The following AMBRA1 variants were observed in gnomAD, a reference collection of about 807,000 sequenced individuals.
The protein encoded by AMBRA1 is autophagy and beclin 1 regulator 1, also known as activating molecule in BECN1-regulated autophagy protein 1.
Under a neutral mutation model 125.4 loss-of-function variants are expected in AMBRA1, and 47 were observed. The observed-to-expected ratio is 0.37, with a 90% CI of 0.30 to 0.48. The LOEUF (loss-of-function observed/expected upper bound fraction) is 0.48, where lower values mean the gene tolerates loss of function less well. Ranked by LOEUF, AMBRA1 falls within the 20% of genes least tolerant of loss-of-function variation. The probability of loss-of-function intolerance (pLI) is 0.99; values close to 1 mark genes in which losing one functional copy is unlikely to be tolerated. For synonymous variants in AMBRA1, 626 were observed against 655.5 expected, an observed-to-expected ratio of 0.95 and a Z score of 0.69; for missense variants, 1,331 against 1,693.4, an observed-to-expected ratio of 0.79 and a Z score of 3.76.
In AMBRA1 at chr11:46,428,549, G is replaced by A. The variant is rs566232826; in HGVS notation, c.2976+4925C>T. On this transcript the variant is annotated intron_variant, in intron 14 of 17. Coordinates refer to ENST00000683756, the MANE Select transcript of AMBRA1 (RefSeq NM_001387011.1). ...TCCTAGTGCCTCTAGGATCTGCAGC[G>A]ATTAGGCAATGAGGATCTTTTCCAC... The A allele has an allele frequency of 1.7e-4, 174 of 1,033,278 alleles. No individual in the cohort carries two copies. In the African/African-American group the frequency reaches 2.2e-3, roughly 13 times the overall value. The allele number at this position is 1,033,278 out of a possible 1,614,324, so 64.0% of individuals were successfully genotyped here.
At chr11:46,540,111 C>T (rs1215309273) in intron 7 of AMBRA1, among the ~76,000 whole-genome samples, 1 of 152,156 alleles carries the variant, frequency 6.6e-6, no homozygotes, top group Non-Finnish European at 1.5e-5. Context: ...GGATGACAGG[C>T]GTGAGCCACC....
chr11:46,484,839 G>A (rs1312067703), intron 11 of AMBRA1, among the ~76,000 whole-genome samples: 1 of 150,924 alleles, frequency 6.6e-6, no homozygotes, highest in African/African-American at 2.4e-5. Flanking sequence ...TAGAGATGGG[G>A]TTTCACCGTG....
chr11:46,465,373 CTT>C (rs1372327964), intron 11 of AMBRA1, among the ~76,000 whole-genome samples: 3 of 152,222 alleles, frequency 2.0e-5, no homozygotes, highest in Non-Finnish European at 4.4e-5. Flanking sequence ...GCAATCATCT[CTT>C]CATCTTTTGT....
chr11:46,500,681 C>G (rs915580623), intron 9 of AMBRA1, among the ~76,000 whole-genome samples: 2 of 152,136 alleles, frequency 1.3e-5, no homozygotes, highest in Admixed American at 6.5e-5. Flanking sequence ...TGAATAAGCC[C>G]TGTAAATCTC....
intron 1 of AMBRA1, among the ~76,000 whole-genome samples, chr11:46,568,329 G>A (rs1157366874): frequency 2.0e-5 from 3 of 151,212 alleles, no homozygotes; most frequent in Admixed American, 6.6e-5. Context: ...GTGGTGGCAG[G>A]CGCCTGTAAT....
chr11:46,514,621 GAC>G (rs1421767803), intron 7 of AMBRA1, among the ~76,000 whole-genome samples: 1 of 152,092 alleles, frequency 6.6e-6, no homozygotes, highest in Non-Finnish European at 1.5e-5. Flanking sequence ...ACAGTTGTGT[GAC>G]ACAGTTTAAT....
intron 11 of AMBRA1, among the ~76,000 whole-genome samples, chr11:46,482,180 C>A (rs1015588339): frequency 6.6e-6 from 1 of 152,190 alleles, no homozygotes; most frequent in Admixed American, 6.5e-5. Flanking sequence ...AATACTACTT[C>A]ATGGCCAAAT....
At chr11:46,508,144 C>A in intron 9 of AMBRA1, 47 bp downstream of exon 9, 1 of 1,605,026 alleles carries the variant, frequency 6.2e-7, no homozygotes, top group Non-Finnish European at 8.5e-7. Context: ...TGGAAGCACT[C>A]CAAGCTTGAG....
chr11:46,441,520 A>T (rs184280873), intron 12 of AMBRA1, among the ~76,000 whole-genome samples: 20 of 152,222 alleles, frequency 1.3e-4, no homozygotes, highest in African/African-American at 4.8e-4. Flanking sequence ...TTTCAGAAAA[A>T]AAAAGATCAA....
intron 11 of AMBRA1, among the ~76,000 whole-genome samples, chr11:46,477,441 CTGAGTAG>C (rs1949861577): frequency 6.6e-6 from 1 of 151,050 alleles, no homozygotes; most frequent in African/African-American, 2.4e-5. Flanking sequence ...CCTCAGCCTC[CTGAGTAG>C]CTGGAACTGT....
In AMBRA1 at chr11:46,542,097, C is replaced by T. The variant is rs750435974; in HGVS notation, c.1920G>A (p.Pro640=). 2.5e-6 allele frequency: 4 copies of T among 1,613,876 alleles called. No individual in the cohort carries two copies. The highest frequency in any genetic ancestry group is 1.7e-6 in the Non-Finnish European group (2 of 1,179,918). The change falls in exon 7 of 18, where the codon CCG becomes CCA. Residue 640 remains proline (P), a synonymous_variant. Coordinates refer to ENST00000683756, the MANE Select transcript of AMBRA1 (RefSeq NM_001387011.1). The surrounding 1 kb of genome is among the most constrained non-coding windows in gnomAD (Gnocchi z 5.9). The part of the protein sequence containing the change: ...SRLELSSSAS[P]QEERTVGVAF... ...CCACCCCCACAGTCCTCTCCTCCTG[C>T]GGACTAGCAGAGCTGCTCAACTCCA...
chr11:46,428,565 T>C (rs760656063), intron 14 of AMBRA1: 8 of 1,174,010 alleles, frequency 6.8e-6, no homozygotes, highest in Non-Finnish European at 8.6e-6. Flanking sequence ...GCAATGAGGA[T>C]CTTTTCCACT....
At chr11:46,452,895 G>A (rs577050686) in intron 11 of AMBRA1, among the ~76,000 whole-genome samples, 7 of 152,138 alleles carry the variant, frequency 4.6e-5, no homozygotes, top group Middle Eastern at 3.4e-3. Flanking sequence ...ATATATGTGT[G>A]TCTGTCTGTT....
At chr11:46,428,558 A>G (rs1167868469) in intron 14 of AMBRA1, 1 of 1,113,506 alleles carries the variant, frequency 9.0e-7, no homozygotes, top group Admixed American at 2.0e-5. Context: ...CGATTAGGCA[A>G]TGAGGATCTT....
At chr11:46,505,550 G>C (rs1298257719) in intron 9 of AMBRA1, among the ~76,000 whole-genome samples, 1 of 152,070 alleles carries the variant, frequency 6.6e-6, no homozygotes, top group Non-Finnish European at 1.5e-5. Context: ...CAAGGAGTAT[G>C]AGAGAAATCA....
intron 11 of AMBRA1, among the ~76,000 whole-genome samples, chr11:46,468,626 G>A (rs1263528746): frequency 6.6e-6 from 1 of 150,442 alleles, no homozygotes; most frequent in Non-Finnish European, 1.5e-5. Flanking sequence ...GTGAAACCCC[G>A]TCTCTACTAA....
intron 11 of AMBRA1, among the ~76,000 whole-genome samples, chr11:46,479,250 A>G (rs868073743): frequency 9.2e-5 from 14 of 152,216 alleles, no homozygotes; most frequent in African/African-American, 3.1e-4. Flanking sequence ...CTAGCAGGCT[A>G]CCTCAGATTT....
At chr11:46,572,740 C>T (rs1284330874) in intron 1 of AMBRA1, among the ~76,000 whole-genome samples, 1 of 152,122 alleles carries the variant, frequency 6.6e-6, no homozygotes, top group East Asian at 1.9e-4. Context: ...CTTACAACAA[C>T]TCTTGAAAGG....
chr11:46,539,011 A>T (rs554848624), intron 7 of AMBRA1, among the ~76,000 whole-genome samples: 2 of 152,158 alleles, frequency 1.3e-5, no homozygotes, highest in South Asian at 4.1e-4. Context: ...GATAGAGAAC[A>T]TTTCCATCAG....
Sources: allele counts gnomAD v4.1 joint callset (sites outside exome capture counted in the v4.1 genomes callset), GRCh38; gene constraint gnomAD v4.1.1; non-coding constraint Gnocchi (gnomAD v3.1); transcripts MANE v1.5; gene names NCBI Gene and HGNC (gene_info 2026-07-23, HGNC 2026-07-21).